Variants in TRPM3 observed in about 807,000 individuals in gnomAD.
TRPM3 encodes transient receptor potential cation channel subfamily M member 3.
A neutral mutation model predicts 181.2 loss-of-function variants in TRPM3; 77 were observed. The ratio of observed to expected loss-of-function variants is 0.42; its 90% CI spans 0.35 to 0.51. The LOEUF (loss-of-function observed/expected upper bound fraction) is 0.51, where lower values mean the gene tolerates loss of function less well. Among genes scored for constraint, TRPM3 ranks in the 20% least tolerant of loss-of-function variants. The pLI is 0.01. For synonymous variants in TRPM3, 745 were observed against 796.4 expected (o/e 0.94, Z 1.09); for missense variants, 1,759 against 2,196.7 (o/e 0.80, Z 3.98).
rs567123110 is a variant in TRPM3 at position 71,432,261 on chromosome 9, T to C, written c.183+14392A>G. 2.0e-5 allele frequency among the ~76,000 whole-genome samples: 3 copies of C among 151,264 alleles called. No individual in the cohort carries two copies. In the South Asian group the frequency reaches 6.3e-4, roughly 32 times the overall value. On this transcript the variant is annotated intron_variant, in intron 1 of 24. Coordinates refer to the TRPM3 transcript ENST00000357533. ...TCCAGTTATACAAGATACAGTATGA[T>C]TGAAAAAATAATGTTTTCTGTCCCC...
intron 1 of TRPM3, among the ~76,000 whole-genome samples, chr9:71,128,230 G>T (rs967560868): frequency 6.6e-6 from 1 of 152,110 alleles, no homozygotes; most frequent in Non-Finnish European, 1.5e-5. Context: ...CAATAATGGG[G>T]TGTAAAACTT....
intron 12 of TRPM3, among the ~76,000 whole-genome samples, chr9:70,626,762 T>C (rs1421110185): frequency 6.6e-6 from 1 of 152,206 alleles, no homozygotes; most frequent in Non-Finnish European, 1.5e-5. Flanking sequence ...AGTCAGAAAT[T>C]AATTAAAATT....
intron 1 of TRPM3, among the ~76,000 whole-genome samples, chr9:71,183,899 T>A (rs2077534837): frequency 6.6e-6 from 1 of 152,084 alleles, no homozygotes; most frequent in African/African-American, 2.4e-5. Flanking sequence ...ACGGTTAAAA[T>A]CTTTCAGGCC....
At chr9:71,259,497 T>C (rs2082894307) in intron 1 of TRPM3, among the ~76,000 whole-genome samples, 1 of 152,174 alleles carries the variant, frequency 6.6e-6, no homozygotes, top group Admixed American at 6.5e-5. Flanking sequence ...AACTAATTTG[T>C]ATTCCTACCA....
intron 1 of TRPM3, among the ~76,000 whole-genome samples, chr9:71,009,121 G>A (rs1415027561): frequency 6.6e-6 from 1 of 152,142 alleles, no homozygotes; most frequent in Non-Finnish European, 1.5e-5. Context: ...TTATAAATGG[G>A]AGAAAGTTGA....
intron 1 of TRPM3, among the ~76,000 whole-genome samples, chr9:71,103,788 A>T (rs993007575): frequency 8.5e-5 from 13 of 152,158 alleles, no homozygotes; most frequent in African/African-American, 3.1e-4. Context: ...TACCTGGAAC[A>T]TTTTTTTGAA....
intron 1 of TRPM3, among the ~76,000 whole-genome samples, chr9:71,140,519 C>T (rs866409034): frequency 2.6e-5 from 4 of 152,250 alleles, no homozygotes; most frequent in East Asian, 1.9e-4. Context: ...CTGACACCTC[C>T]CCAAGTTTGG....
At chr9:71,032,045 T>TA in intron 1 of TRPM3, among the ~76,000 whole-genome samples, 1 of 2,902 alleles carries the variant, frequency 3.4e-4, no homozygotes, top group African/African-American at 2.2e-3. Context: ...TATATATATA[T>TA]ATATTATATA....
At chr9:71,331,353 G>A (rs966566582) in intron 1 of TRPM3, among the ~76,000 whole-genome samples, 7 of 151,680 alleles carry the variant, frequency 4.6e-5, no homozygotes, top group African/African-American at 9.7e-5. Context: ...ATTTTGCCTC[G>A]TAATAAATAT....
At chr9:71,288,695 C>T (rs1445409403) in intron 1 of TRPM3, among the ~76,000 whole-genome samples, 3 of 152,104 alleles carry the variant, frequency 2.0e-5, no homozygotes, top group Non-Finnish European at 4.4e-5. Context: ...GTACACAGCA[C>T]TGAAGCCAGT....
chr9:71,256,324 G>A (rs1331031793), intron 1 of TRPM3, among the ~76,000 whole-genome samples: 2 of 152,120 alleles, frequency 1.3e-5, no homozygotes, highest in African/African-American at 4.8e-5. Flanking sequence ...TCTCTCGACA[G>A]TGGTGTGTTC....
rs1376653358 is a variant in TRPM3, at chr9:71,310,663, C to T, written c.183+135990G>A. ...AATCCAGTTATTTTATTATGTGTAG[C>T]TCCTACTGTAAATTAATGAGCAGAC... On this transcript the variant is annotated intron_variant, in intron 1 of 24. Transcript: ENST00000357533. 6.6e-5 allele frequency among the ~76,000 whole-genome samples: 10 copies of T among 152,220 alleles called. No individual in the cohort carries two copies. The South Asian group carries it at 1.7e-3, about 25-fold the overall frequency.
At chr9:71,086,389 T>C (rs1180331626) in intron 1 of TRPM3, among the ~76,000 whole-genome samples, 1 of 151,970 alleles carries the variant, frequency 6.6e-6, no homozygotes, top group Non-Finnish European at 1.5e-5. Context: ...TCATTTTTTC[T>C]CCTCTTCTCA....
intron 9 of TRPM3, among the ~76,000 whole-genome samples, chr9:70,673,949 CAAAAAAAAAAA>C (rs5898160): frequency 1.1e-5 from 1 of 89,646 alleles, no homozygotes; most frequent in Non-Finnish European, 2.0e-5. Flanking sequence ...AACTCCATCT[CAAAAAAAAAAA>C]AAAAAAAAGA....
At chr9:71,156,031 T>A (rs1000371501) in intron 1 of TRPM3, among the ~76,000 whole-genome samples, 1 of 152,116 alleles carries the variant, frequency 6.6e-6, no homozygotes, top group African/African-American at 2.4e-5. Context: ...TTATAATTGT[T>A]TTTTAAACTC....
intron 1 of TRPM3, among the ~76,000 whole-genome samples, chr9:71,289,873 C>T (rs1463592337): frequency 3.8e-5 from 1 of 26,136 alleles, no homozygotes; most frequent in African/African-American, 1.2e-4. Flanking sequence ...AAGACTCTGT[C>T]TCAAAAAAAA....
At chr9:70,760,328 G>A (rs2077878348) in intron 8 of TRPM3, among the ~76,000 whole-genome samples, 1 of 150,924 alleles carries the variant, frequency 6.6e-6, no homozygotes, top group African/African-American at 2.4e-5. Flanking sequence ...AATCCCTACT[G>A]TGGCATGTAG....
At chr9:70,913,101 T>C (rs568485945) in intron 1 of TRPM3, among the ~76,000 whole-genome samples, 26 of 152,194 alleles carry the variant, frequency 1.7e-4, no homozygotes, top group Non-Finnish European at 3.2e-4. Context: ...CCATCTCTAA[T>C]AGCAAAATTG....
At chr9:71,356,539 T>C (rs2091905264) in intron 1 of TRPM3, among the ~76,000 whole-genome samples, 1 of 152,142 alleles carries the variant, frequency 6.6e-6, no homozygotes, top group Non-Finnish European at 1.5e-5. Context: ...ATGAGGCACA[T>C]TACTTCACTT....
Sources: gnomAD v4.1 joint callset for allele counts (sites outside exome capture counted in the v4.1 genomes callset) on GRCh38, gnomAD v4.1.1 for gene constraint, MANE v1.5 for transcripts, NCBI Gene and HGNC (gene_info 2026-07-23, HGNC 2026-07-21) for gene names.